COL5A2: variants seen among roughly 807,000 people sequenced by gnomAD.
COL5A2 encodes collagen alpha-2(V) chain.
COL5A2 carries 23 observed loss-of-function variants against 208.2 expected under a neutral mutation model. The ratio of observed to expected loss-of-function variants is 0.11; its 90% CI spans 0.08 to 0.16. The LOEUF is 0.16. Among genes scored for constraint, COL5A2 ranks in the 10% least tolerant of loss-of-function variants. The pLI is 1.00. For missense variants in COL5A2, 1,590 were observed against 1,956.4 expected, an observed-to-expected ratio of 0.81 and a Z score of 3.53; for synonymous variants, 625 against 628.5, an observed-to-expected ratio of 0.99 and a Z score of 0.08.
At chr2:189,261,326 C>T in the COL5A2 span, among the ~76,000 whole-genome samples, 1 of 152,052 alleles carries the variant, frequency 6.6e-6, no homozygotes, top group South Asian at 2.1e-4. Context: ...TTGAAAATAA[C>T]ATCCTAAGTA....
At chr2:189,400,897 T>TA in the COL5A2 span, among the ~76,000 whole-genome samples, 1 of 152,336 alleles carries the variant, frequency 6.6e-6, no homozygotes, top group East Asian at 1.9e-4. Context: ...ATCGTATCCT[T>TA]ATAATTCACT....
intron 12 of COL5A2, 122 bp from the exon 13 acceptor site, chr2:189,081,165 AC>A (rs1324173577): frequency 6.5e-6 from 5 of 768,440 alleles, no homozygotes; most frequent in Non-Finnish European, 4.5e-6. Context: ...ATTAAGAAGA[AC>A]AAAAAAAAGC....
chr2:189,315,214 A>G, the COL5A2 span, among the ~76,000 whole-genome samples: 1 of 152,014 alleles, frequency 6.6e-6, no homozygotes, highest in Non-Finnish European at 1.5e-5. Context: ...ATATCAAAAT[A>G]TATCAAAATA....
chr2:189,436,930 T>A, the COL5A2 span, among the ~76,000 whole-genome samples: 1 of 152,052 alleles, frequency 6.6e-6, no homozygotes, highest in South Asian at 2.1e-4. Flanking sequence ...CATGGGTTGA[T>A]CTGTTCAGCA....
chr2:189,342,217 C>T, the COL5A2 span, among the ~76,000 whole-genome samples: 2 of 144,648 alleles, frequency 1.4e-5, no homozygotes, highest in South Asian at 4.3e-4. Flanking sequence ...TTTTTGGAGA[C>T]TTGACAAAGG....
At chr2:189,175,547 T>TTTC (rs948584471) in intron 1 of COL5A2, among the ~76,000 whole-genome samples, 5 of 149,444 alleles carry the variant, frequency 3.3e-5, no homozygotes, top group Non-Finnish European at 4.5e-5. Flanking sequence ...AAGAAAACTT[T>TTTC]TTTTTTTTTT....
intron 2 of COL5A2, among the ~76,000 whole-genome samples, chr2:189,104,889 C>T (rs1233499802): frequency 2.6e-5 from 4 of 151,742 alleles, no homozygotes; most frequent in African/African-American, 9.7e-5. Context: ...GATCTTTGCT[C>T]ATCAGTATAT....
the COL5A2 span, among the ~76,000 whole-genome samples, chr2:189,310,544 C>T: frequency 6.6e-6 from 1 of 152,118 alleles, no homozygotes; most frequent in Non-Finnish European, 1.5e-5. Context: ...AATTGAGCTA[C>T]CATATGATCC....
chr2:189,289,288 C>T, the COL5A2 span, among the ~76,000 whole-genome samples: 2 of 151,626 alleles, frequency 1.3e-5, no homozygotes, highest in African/African-American at 4.9e-5. Context: ...TTGCAGTGAG[C>T]AAAGATTGTG....
At chr2:189,062,110 G>T (rs1370788117) in intron 29 of COL5A2, among the ~76,000 whole-genome samples, 1 of 151,306 alleles carries the variant, frequency 6.6e-6, no homozygotes, top group Non-Finnish European at 1.5e-5. Flanking sequence ...CACTTCATTT[G>T]AAAGTCCTAA....
intron 52 of COL5A2, among the ~76,000 whole-genome samples, chr2:189,035,721 T>G (rs1685431691): frequency 6.6e-6 from 1 of 152,132 alleles, no homozygotes; most frequent in African/African-American, 2.4e-5. Flanking sequence ...AATTTAAAAT[T>G]TTGTGCTCAT....
chr2:189,152,236 T>G (rs962687508), intron 1 of COL5A2, among the ~76,000 whole-genome samples: 1 of 152,200 alleles, frequency 6.6e-6, no homozygotes, highest in Non-Finnish European at 1.5e-5. Flanking sequence ...TACAAGATGA[T>G]GCAGCTCATA....
chr2:189,182,521 C>A (rs1000086589), upstream of COL5A2, among the ~76,000 whole-genome samples: 1 of 152,024 alleles, frequency 6.6e-6, no homozygotes, highest in Non-Finnish European at 1.5e-5. Flanking sequence ...TCTATTACCA[C>A]CACACTGTCC....
intron 1 of COL5A2, among the ~76,000 whole-genome samples, chr2:189,113,757 A>C (rs1167428836): frequency 1.4e-5 from 2 of 146,494 alleles, no homozygotes; most frequent in Non-Finnish European, 3.0e-5. Context: ...ATTATATATA[A>C]GGATATATAT....
intron 1 of COL5A2, among the ~76,000 whole-genome samples, chr2:189,216,929 G>A (rs1689286147): frequency 6.6e-6 from 1 of 152,142 alleles, no homozygotes; most frequent in Admixed American, 6.6e-5. Context: ...ACTGAGCAGT[G>A]AGGGACAACA....
At position 189,098,723 on chromosome 2, in the gene COL5A2, T is replaced by A. The variant is rs199525870; in HGVS notation, c.402+4A>T. 1 of 1,611,440 alleles carries A rather than the reference T, an allele frequency of 6.2e-7. No homozygotes were observed. Among genetic ancestry groups the A allele is most frequent in the Non-Finnish European group, 8.5e-7 (1 of 1,177,678 alleles). ...TACCAAGAATATTGGGAGAAACTACTTACTGCCGGTCCTGGACGACCACGT... is the reference window on the plus strand; with the variant it reads ...TACCAAGAATATTGGGAGAAACTACATACTGCCGGTCCTGGACGACCACGT... On this transcript the variant is annotated splice_donor_region_variant and intron_variant, in intron 5 of 53. Transcript: ENST00000374866.
At chr2:189,274,262 T>A in the COL5A2 span, among the ~76,000 whole-genome samples, 2 of 152,118 alleles carry the variant, frequency 1.3e-5, no homozygotes, top group Non-Finnish European at 2.9e-5. Context: ...ACGACACTGA[T>A]AGAAAATTAA....
chr2:189,336,134 A>G, the COL5A2 span, among the ~76,000 whole-genome samples: 3 of 152,212 alleles, frequency 2.0e-5, no homozygotes, highest in African/African-American at 7.2e-5. Flanking sequence ...TAAACACATA[A>G]AAAGTTCCTC....
the COL5A2 span, among the ~76,000 whole-genome samples, chr2:189,392,259 T>C: frequency 6.6e-6 from 1 of 152,092 alleles, no homozygotes; most frequent in Non-Finnish European, 1.5e-5. Context: ...TGAGTACCTT[T>C]ACAATGTTGT....
Sources: allele counts gnomAD v4.1 joint callset (sites outside exome capture counted in the v4.1 genomes callset), GRCh38; gene constraint gnomAD v4.1.1; transcripts MANE v1.5; gene names NCBI Gene and HGNC (gene_info 2026-07-23, HGNC 2026-07-21).